KATNAL2: variants seen among roughly 807,000 people sequenced by gnomAD.
The protein encoded by KATNAL2 is katanin p60 ATPase-containing subunit A-like 2.
In KATNAL2, 52 loss-of-function variants were observed where a neutral mutation model predicts 76.3. That is an observed-to-expected ratio of 0.68 (90% CI 0.55 to 0.86). KATNAL2 has a LOEUF of 0.86. Ranked by LOEUF, KATNAL2 falls within the 40% of genes least tolerant of loss-of-function variation. The pLI is 0.00. For synonymous variants in KATNAL2, 243 were observed against 244.2 expected, an observed-to-expected ratio of 1.00 and a Z score of 0.05; for missense variants, 660 against 668.9, an observed-to-expected ratio of 0.99 and a Z score of 0.15.
chr18:47,097,886 C>A (rs1346579767), intron 15 of KATNAL2, among the ~76,000 whole-genome samples: 2 of 152,142 alleles, frequency 1.3e-5, no homozygotes, highest in African/African-American at 4.8e-5. Context: ...TCCTCCCACC[C>A]TCCACCCTGA....
At chr18:46,920,464 G>C (rs982551467) in intron 1 of KATNAL2, among the ~76,000 whole-genome samples, 3 of 152,124 alleles carry the variant, frequency 2.0e-5, no homozygotes, top group African/African-American at 7.2e-5. Context: ...CAAAATCTCA[G>C]CATTGACTTT....
At chr18:47,054,338 A>C in intron 5 of KATNAL2, 58 bp from the exon 6 acceptor site, 1 of 1,481,726 alleles carries the variant, frequency 6.7e-7, no homozygotes, top group Admixed American at 1.7e-5. Context: ...CCTGAAAAAA[A>C]TCACTTTGTC....
chr18:46,956,767 G>T (rs1239435645), intron 3 of KATNAL2, among the ~76,000 whole-genome samples: 1 of 152,074 alleles, frequency 6.6e-6, no homozygotes, highest in African/African-American at 2.4e-5. Flanking sequence ...ATGAGGCCAG[G>T]CATGGTGGCT....
chr18:46,960,988 T>A (rs921433111), intron 3 of KATNAL2, among the ~76,000 whole-genome samples: 2 of 152,100 alleles, frequency 1.3e-5, no homozygotes, highest in Admixed American at 1.3e-4. Flanking sequence ...CTTACAACAC[T>A]AAGGGGACCA....
intron 1 of KATNAL2, among the ~76,000 whole-genome samples, chr18:46,928,821 AG>A (rs2058815140): frequency 6.6e-6 from 1 of 152,122 alleles, no homozygotes; most frequent in African/African-American, 2.4e-5. Context: ...TTTGAGACAG[AG>A]TCTCACTCTG....
chr18:47,076,155 GAAGT>G (rs1432610674), intron 14 of KATNAL2: 5 of 152,156 alleles, frequency 3.3e-5, no homozygotes, highest in African/African-American at 9.7e-5. Context: ...CATCAAGGCA[GAAGT>G]AATAGTAATA....
intron 3 of KATNAL2, chr18:47,035,375 C>A (rs576106599): frequency 1.9e-6 from 3 of 1,555,972 alleles, no homozygotes; most frequent in South Asian, 2.4e-5. Context: ...CGCCAGGCAG[C>A]GACCTCGGGA....
At chr18:47,085,943 A>C (rs1332617553) in intron 15 of KATNAL2, among the ~76,000 whole-genome samples, 2 of 152,008 alleles carry the variant, frequency 1.3e-5, no homozygotes, top group Non-Finnish European at 2.9e-5. Context: ...TTGTTAAAAA[A>C]TCAGCCAGGC....
chr18:47,052,246 C>A (rs951844036), intron 4 of KATNAL2, among the ~76,000 whole-genome samples: 16 of 152,130 alleles, frequency 1.1e-4, no homozygotes, highest in Non-Finnish European at 1.5e-4. Flanking sequence ...CAGTAAGGAA[C>A]AAAGATCAAG....
intron 1 of KATNAL2, among the ~76,000 whole-genome samples, chr18:46,940,061 T>G (rs533607879): frequency 1.3e-5 from 2 of 152,336 alleles, no homozygotes; most frequent in Non-Finnish European, 2.9e-5. Context: ...TTATGAGAGA[T>G]TATTACTGTT....
At chr18:46,939,602 T>C (rs916573964) in intron 1 of KATNAL2, among the ~76,000 whole-genome samples, 1 of 152,168 alleles carries the variant, frequency 6.6e-6, no homozygotes, top group Non-Finnish European at 1.5e-5. Context: ...CCTATTCATA[T>C]CTGAGATCTT....
At chr18:47,040,101 G>A (rs540761481) in intron 3 of KATNAL2, among the ~76,000 whole-genome samples, 1 of 152,324 alleles carries the variant, frequency 6.6e-6, no homozygotes, top group East Asian at 1.9e-4. Flanking sequence ...GCAATTAAAA[G>A]ACATAATCTC....
At chr18:47,093,307 T>C (rs532975911) in intron 15 of KATNAL2, among the ~76,000 whole-genome samples, 1 of 152,302 alleles carries the variant, frequency 6.6e-6, no homozygotes, top group South Asian at 2.1e-4. Context: ...CATTTGCTTT[T>C]ATTAATATTT....
At chr18:46,954,787 G>A (rs1357334788) in intron 3 of KATNAL2, among the ~76,000 whole-genome samples, 1 of 152,046 alleles carries the variant, frequency 6.6e-6, no homozygotes, top group African/African-American at 2.4e-5. Flanking sequence ...GGGACTACAG[G>A]CGTATGCCAC....
chr18:47,099,150 C>A, intron 15 of KATNAL2, 93 bp from the exon 16 acceptor site: 1 of 1,281,428 alleles, frequency 7.8e-7, no homozygotes, highest in Non-Finnish European at 1.1e-6. Flanking sequence ...TGCAGAATTG[C>A]TTCCTGCAAT....
chr18:46,946,016 G>A (rs531061301), intron 1 of KATNAL2, 41 bp from the exon 2 acceptor site: 1 of 174,544 alleles, frequency 5.7e-6, no homozygotes, highest in South Asian at 1.9e-4. Context: ...GGAGAAAGGT[G>A]ATTCAGTTCA....
chr18:47,054,918 C>T (rs911081922), intron 6 of KATNAL2, among the ~76,000 whole-genome samples: 14 of 152,266 alleles, frequency 9.2e-5, no homozygotes, highest in Non-Finnish European at 1.9e-4. Flanking sequence ...GCTCAGGCTT[C>T]TGGCTTCGCC....
intron 3 of KATNAL2, among the ~76,000 whole-genome samples, chr18:47,026,145 TC>T (rs2060297441): frequency 1.4e-5 from 2 of 141,522 alleles, no homozygotes; most frequent in Non-Finnish European, 3.1e-5. Flanking sequence ...TGGATTTGGT[TC>T]CGAGGGGCTG....
intron 4 of KATNAL2, among the ~76,000 whole-genome samples, chr18:47,050,019 G>A (rs749435147): frequency 3.3e-5 from 5 of 152,168 alleles, no homozygotes; most frequent in Non-Finnish European, 5.9e-5. Context: ...GGTGCGTGCC[G>A]CCATGGCTAC....
Sources: allele counts gnomAD v4.1 joint callset (sites outside exome capture counted in the v4.1 genomes callset), GRCh38; gene constraint gnomAD v4.1.1; transcripts MANE v1.5; gene names NCBI Gene and HGNC (gene_info 2026-07-23, HGNC 2026-07-21).